The following PRKCH variants were observed in gnomAD, a reference collection of about 807,000 sequenced individuals.
PRKCH encodes the protein protein kinase C eta.
PRKCH carries 28 observed loss-of-function variants against 82.5 expected under a neutral mutation model. That is an observed-to-expected ratio of 0.34 (90% CI 0.25 to 0.47). The LOEUF is 0.47. Ranked by LOEUF, PRKCH falls within the 20% of genes least tolerant of loss-of-function variation. The probability of loss-of-function intolerance (pLI) is 1.00; values close to 1 mark genes in which losing one functional copy is unlikely to be tolerated. For missense variants in PRKCH, 705 were observed against 881.8 expected, an observed-to-expected ratio of 0.80 and a Z score of 2.54; for synonymous variants, 322 against 327.4, an observed-to-expected ratio of 0.98 and a Z score of 0.18.
At chr14:61,245,816 A>G (rs2044875075) in intron 1 of PRKCH, among the ~76,000 whole-genome samples, 4 of 152,228 alleles carry the variant, frequency 2.6e-5, no homozygotes, top group Admixed American at 2.6e-4. Flanking sequence ...GTAGGTGTGA[A>G]AGAAAAGTTA....
intron 2 of PRKCH, among the ~76,000 whole-genome samples, chr14:61,411,081 C>T (rs1438762325): frequency 6.6e-6 from 1 of 152,190 alleles, no homozygotes; most frequent in Non-Finnish European, 1.5e-5. Context: ...TGGATCAGAG[C>T]TCAGCAAGGA....
rs1246191845 is a variant in PRKCH at position 61,322,149 on chromosome 14, C to A, written c.48C>A (p.Ile16=). The A allele has an allele frequency of 6.2e-7, 1 of 1,607,020 alleles. No homozygotes were observed. The highest frequency in any genetic ancestry group is 8.5e-7 in the Non-Finnish European group (1 of 1,176,844). The change falls in exon 1 of 14, where the codon ATC becomes ATA. Residue 16 remains isoleucine (I), a synonymous_variant. Transcript: ENST00000332981. ...TCAATGGCTATTTGAGGGTCCGCAT[C>A]GGTGAGGCAGTGGGGCTGCAGCCCA... ...MKFNGYLRVR[I]GEAVGLQPTR...
intron 1 of PRKCH, among the ~76,000 whole-genome samples, chr14:61,215,937 G>A (rs1045028733): frequency 6.6e-6 from 1 of 152,184 alleles, no homozygotes; most frequent in African/African-American, 2.4e-5. Context: ...GAACTGGTAA[G>A]GGTTTTAAGA....
intron 10 of PRKCH, among the ~76,000 whole-genome samples, chr14:61,517,708 C>T (rs769340236): frequency 6.6e-6 from 1 of 152,236 alleles, no homozygotes; most frequent in Non-Finnish European, 1.5e-5. Flanking sequence ...TAGCAGGACC[C>T]ATCTGTCCTT....
intron 1 of PRKCH, among the ~76,000 whole-genome samples, chr14:61,223,782 T>A (rs186447766): frequency 6.6e-6 from 1 of 152,162 alleles, no homozygotes; most frequent in Non-Finnish European, 1.5e-5. Flanking sequence ...CAGAGCCAAA[T>A]GGCTTTCTCA....
At chr14:61,393,243 A>T (rs551373116) in intron 2 of PRKCH, among the ~76,000 whole-genome samples, 2 of 152,266 alleles carry the variant, frequency 1.3e-5, no homozygotes, top group South Asian at 2.1e-4. Context: ...TATTTTAGCT[A>T]TTCTCAGTAT....
chr14:61,457,933 G>A (rs1451918424), intron 9 of PRKCH, among the ~76,000 whole-genome samples: 1 of 152,216 alleles, frequency 6.6e-6, no homozygotes, highest in South Asian at 2.1e-4. Flanking sequence ...GATTGAAAAG[G>A]TCATCATACA....
At chr14:61,536,350 A>G (rs1335737060) in intron 12 of PRKCH, among the ~76,000 whole-genome samples, 3 of 152,156 alleles carry the variant, frequency 2.0e-5, no homozygotes, top group African/African-American at 7.2e-5. Context: ...AGAGAAGGAG[A>G]GAATCCTCAC....
At chr14:61,539,518 G>T (rs891957794) in intron 12 of PRKCH, among the ~76,000 whole-genome samples, 1 of 152,178 alleles carries the variant, frequency 6.6e-6, no homozygotes, top group Admixed American at 6.5e-5. Context: ...AACCTGCCAG[G>T]TAAGGCACTG....
intron 1 of PRKCH, among the ~76,000 whole-genome samples, chr14:61,266,225 C>T (rs1378068823): frequency 6.6e-6 from 1 of 151,846 alleles, no homozygotes; most frequent in Admixed American, 6.6e-5. Flanking sequence ...CGACACTAGC[C>T]TGGCAGGCAT....
intron 1 of PRKCH, among the ~76,000 whole-genome samples, chr14:61,246,221 CA>C (rs2044880862): frequency 6.8e-6 from 1 of 147,706 alleles, no homozygotes; most frequent in South Asian, 2.2e-4. Flanking sequence ...GCCTGACCAA[CA>C]TGGCAAAACC....
At chr14:61,290,142 AT>A (rs1364320583) in intron 1 of PRKCH, among the ~76,000 whole-genome samples, 1 of 152,032 alleles carries the variant, frequency 6.6e-6, no homozygotes, top group African/African-American at 2.4e-5. Context: ...AAATACAAAA[AT>A]TAGTCGGGCG....
chr14:61,522,472 A>G (rs1259485171), intron 10 of PRKCH, among the ~76,000 whole-genome samples: 1 of 152,140 alleles, frequency 6.6e-6, no homozygotes, highest in Non-Finnish European at 1.5e-5. Context: ...CAGGACTCCA[A>G]CCACACTAGT....
At chr14:61,481,040 CT>C (rs1885948890) in intron 9 of PRKCH, among the ~76,000 whole-genome samples, 1 of 152,176 alleles carries the variant, frequency 6.6e-6, no homozygotes, top group African/African-American at 2.4e-5. Flanking sequence ...CTCCAGGCTG[CT>C]CAGATGCCCT....
In PRKCH at chr14:61,461,060, G is replaced by C. The variant is rs112925970; in HGVS notation, c.1278+3381G>C. 1.8e-3 allele frequency among the ~76,000 whole-genome samples: 280 copies of C among 152,250 alleles called. 2 individuals are homozygous for C. The highest frequency in any genetic ancestry group is 6.6e-3 in the African/African-American group (274 of 41,550). On this transcript the variant is annotated intron_variant, in intron 9 of 13. Coordinates refer to ENST00000332981, the MANE Select transcript of PRKCH (RefSeq NM_006255.5). ...AAATGGGGAGGCAGCTAATGGCTTC[G>C]TGGGCCTCGGCTCCCCTGCGCGCCT...
At position 61,458,359 on chromosome 14, in the gene PRKCH, C is replaced by T. The variant is rs190384704; in HGVS notation, c.1278+680C>T. On this transcript the variant is annotated intron_variant, in intron 9 of 13. Transcript: ENST00000332981. ...CTTGTTGTTTCACATAATGAGAAGT[C>T]TGGTGGTAACAGTGCTACGGTTGGA... 8.5e-5 allele frequency among the ~76,000 whole-genome samples: 13 copies of T among 152,314 alleles called. 1 individual carries two copies. In the East Asian group the frequency reaches 2.5e-3, roughly 29 times the overall value.
At chr14:61,448,521 G>A (rs1393625496) in intron 4 of PRKCH, among the ~76,000 whole-genome samples, 1 of 152,180 alleles carries the variant, frequency 6.6e-6, no homozygotes, top group Non-Finnish European at 1.5e-5. Context: ...TGAAATGAAG[G>A]GGCAGGCTAA....
intron 10 of PRKCH, among the ~76,000 whole-genome samples, chr14:61,495,872 T>C (rs931781424): frequency 6.6e-6 from 1 of 152,202 alleles, no homozygotes; most frequent in Admixed American, 6.5e-5. Context: ...ATTCAGTATA[T>C]GGATAAAAAA....
intron 2 of PRKCH, among the ~76,000 whole-genome samples, chr14:61,408,607 C>T (rs1882092610): frequency 6.6e-6 from 1 of 152,030 alleles, no homozygotes; most frequent in Non-Finnish European, 1.5e-5. Flanking sequence ...ATACCTAAAC[C>T]CAGGGTTGCT....
Sources: gnomAD v4.1 joint callset for allele counts (sites outside exome capture counted in the v4.1 genomes callset) on GRCh38, gnomAD v4.1.1 for gene constraint, MANE v1.5 for transcripts, NCBI Gene and HGNC (gene_info 2026-07-23, HGNC 2026-07-21) for gene names.